UNC13C: variants seen among roughly 807,000 people sequenced by gnomAD.
UNC13C encodes unc-13 homolog C, also known as protein unc-13 homolog C.
In UNC13C, 174 loss-of-function variants were observed where a neutral mutation model predicts 245.4. The observed-to-expected ratio is 0.71, with a 90% confidence interval of 0.63 to 0.80. The LOEUF is 0.80. Ranked by LOEUF, UNC13C falls within the 30% of genes least tolerant of loss-of-function variation. UNC13C has a pLI of 0.00. For synonymous variants in UNC13C, 992 were observed against 895.1 expected (o/e 1.11, Z -1.93); for missense variants, 2,829 against 2,602.9 (o/e 1.09, Z -1.89).
intron 2 of UNC13C, among the ~76,000 whole-genome samples, chr15:54,125,195 G>A (rs1199707581): frequency 6.6e-6 from 1 of 152,160 alleles, no homozygotes; most frequent in Non-Finnish European, 1.5e-5. Flanking sequence ...CGGGCACAGT[G>A]GCTCACATCT....
rs1466585031 is a variant in UNC13C at position 54,627,920 on chromosome 15, T to TGTAA, written c.*812_*815dup. On this transcript the variant is annotated 3_prime_UTR_variant, in exon 33 of 33. Transcript: ENST00000260323. ...GGATGGAAAGTTTACTGAAAATACC[T>TGTAA]GTAAGTAACTATATTGTTAATATCT... 3.3e-5 allele frequency: 5 copies of TGTAA among 152,574 alleles called. No individual in the cohort carries two copies. The South Asian group carries it at 6.2e-4, about 19-fold the overall frequency. 9.5% of individuals were successfully genotyped at this position (152,574 alleles called of 1,614,324 possible).
At chr15:54,129,840 GTCTT>G (rs1356354122) in intron 2 of UNC13C, among the ~76,000 whole-genome samples, 3 of 149,712 alleles carry the variant, frequency 2.0e-5, no homozygotes, top group Admixed American at 6.6e-5. Flanking sequence ...CTTTAAAAAA[GTCTT>G]TATTTATACT....
chr15:54,165,077 A>T (rs1438974114), intron 4 of UNC13C, among the ~76,000 whole-genome samples: 1 of 152,160 alleles, frequency 6.6e-6, no homozygotes, highest in Non-Finnish European at 1.5e-5. Context: ...CTTGAGAGTG[A>T]AGTAAGTTTA....
chr15:54,488,885 A>C (rs1893558035), intron 19 of UNC13C, among the ~76,000 whole-genome samples: 1 of 152,200 alleles, frequency 6.6e-6, no homozygotes, highest in Non-Finnish European at 1.5e-5. Flanking sequence ...GCCAAAATTA[A>C]AAATGTAGGA....
chr15:54,084,722 A>G (rs548809634), intron 2 of UNC13C, among the ~76,000 whole-genome samples: 1 of 152,188 alleles, frequency 6.6e-6, no homozygotes, highest in Non-Finnish European at 1.5e-5. Flanking sequence ...AGGGATCCAC[A>G]AATATTACTG....
At chr15:54,197,331 G>C (rs1379583935) in intron 4 of UNC13C, among the ~76,000 whole-genome samples, 1 of 151,902 alleles carries the variant, frequency 6.6e-6, no homozygotes, top group African/African-American at 2.4e-5. Flanking sequence ...ACAAAAATTA[G>C]CTGGGCACCT....
intron 2 of UNC13C, among the ~76,000 whole-genome samples, chr15:54,105,574 T>G (rs1216672386): frequency 3.3e-5 from 5 of 152,190 alleles, no homozygotes; most frequent in African/African-American, 4.8e-5. Context: ...AGTCACATGT[T>G]GCATTTTAAG....
At chr15:54,047,959 A>G (rs549308957) in intron 2 of UNC13C, among the ~76,000 whole-genome samples, 67 of 152,322 alleles carry the variant, frequency 4.4e-4, no homozygotes, top group African/African-American at 1.5e-3. Context: ...AGTATACCGT[A>G]ATATTTTGCT....
At chr15:53,888,536 A>G in the UNC13C span, among the ~76,000 whole-genome samples, 4 of 152,190 alleles carry the variant, frequency 2.6e-5, no homozygotes, top group Admixed American at 6.5e-5. Context: ...TTTGCTGTGC[A>G]GAAGGTCTTT....
At chr15:54,277,762 T>C (rs1381678823) in intron 10 of UNC13C, among the ~76,000 whole-genome samples, 2 of 152,232 alleles carry the variant, frequency 1.3e-5, no homozygotes, top group Non-Finnish European at 2.9e-5. Context: ...AATTCAGTTG[T>C]ATTTTTCAAT....
At chr15:54,080,283 A>G (rs1295388069) in intron 2 of UNC13C, among the ~76,000 whole-genome samples, 2 of 151,598 alleles carry the variant, frequency 1.3e-5, no homozygotes, top group East Asian at 3.9e-4. Context: ...ATAGTTTTCT[A>G]TTTTTGTTGT....
At chr15:54,475,568 T>G (rs1184537750) in intron 19 of UNC13C, among the ~76,000 whole-genome samples, 1 of 151,832 alleles carries the variant, frequency 6.6e-6, no homozygotes, top group Non-Finnish European at 1.5e-5. Flanking sequence ...TTTGGTTTTT[T>G]GTCCCTGCAA....
intron 2 of UNC13C, among the ~76,000 whole-genome samples, chr15:54,088,471 G>GCA (rs2141131326): frequency 1.3e-5 from 2 of 152,262 alleles, no homozygotes; most frequent in South Asian, 4.1e-4. Context: ...GACAAGAGAT[G>GCA]CTTTACATCG....
intron 10 of UNC13C, among the ~76,000 whole-genome samples, chr15:54,285,973 G>C (rs541896899): frequency 6.6e-6 from 1 of 152,188 alleles, no homozygotes. Context: ...CGCCTCCCCA[G>C]TTCAAGCGAT....
At chr15:54,528,834 C>T (rs1486051768) in intron 25 of UNC13C, among the ~76,000 whole-genome samples, 1 of 152,140 alleles carries the variant, frequency 6.6e-6, no homozygotes, top group Non-Finnish European at 1.5e-5. Flanking sequence ...GCATGATTTG[C>T]CTTCCTCTTC....
chr15:54,163,048 C>T (rs2033036341), intron 4 of UNC13C, among the ~76,000 whole-genome samples: 6 of 152,096 alleles, frequency 3.9e-5, no homozygotes, highest in Admixed American at 2.6e-4. Context: ...GCAAAGATGT[C>T]CGCATCCTAA....
chr15:53,975,313 T>C (rs926398532), upstream of UNC13C, among the ~76,000 whole-genome samples: 25 of 152,354 alleles, frequency 1.6e-4, no homozygotes, highest in African/African-American at 5.8e-4. Flanking sequence ...TTTACTTATA[T>C]AGAGCTAGAA....
intron 2 of UNC13C, among the ~76,000 whole-genome samples, chr15:54,132,246 A>AT (rs537434285): frequency 1.7e-4 from 26 of 151,308 alleles, no homozygotes; most frequent in Non-Finnish European, 3.5e-4. Flanking sequence ...AATTTTTTGT[A>AT]TTTTTAGTAG....
In UNC13C at chr15:54,015,262, C is replaced by T. The variant is rs377174697; in HGVS notation, c.2359C>T (p.Leu787Phe). 2 of 1,613,460 alleles carry T rather than the reference C, an allele frequency of 1.2e-6. No individual in the cohort carries two copies. The highest frequency in any genetic ancestry group is 1.7e-6 in the Non-Finnish European group (2 of 1,179,744). Residue 787 changes from leucine to phenylalanine, a missense_variant, in exon 2 of 33, where the codon CTT becomes TTT. By Grantham distance (22) the Leu-to-Phe change is conservative (BLOSUM62 0). Transcript: ENST00000260323. ...ATGGCATAGTCGATTAAGCATTGACCTTTCTGATAAGACTTTCAGCTTCCC... is the reference window on the plus strand; with the variant it reads ...ATGGCATAGTCGATTAAGCATTGACTTTTCTGATAAGACTTTCAGCTTCCC... Reference protein sequence around the residue: ...KSWHSRLSIDLSDKTFSFPKF... With the variant: ...KSWHSRLSIDFSDKTFSFPKF...
Sources: gnomAD v4.1 joint callset for allele counts (sites outside exome capture counted in the v4.1 genomes callset) on GRCh38, gnomAD v4.1.1 for gene constraint, MANE v1.5 for transcripts, NCBI Gene and HGNC (gene_info 2026-07-23, HGNC 2026-07-21) for gene names.